RIMS2: variants seen among roughly 807,000 people sequenced by gnomAD.
RIMS2 encodes the protein regulating synaptic membrane exocytosis protein 2.
A neutral mutation model predicts 174.4 loss-of-function variants in RIMS2; 59 were observed. That is an observed-to-expected ratio of 0.34 (90% confidence interval 0.27 to 0.42). The LOEUF (loss-of-function observed/expected upper bound fraction) is 0.42, where lower values mean the gene tolerates loss of function less well. Ranked by LOEUF, RIMS2 falls within the 10% of genes least tolerant of loss-of-function variation. The probability of loss-of-function intolerance (pLI) is 1.00; values close to 1 mark genes in which losing one functional copy is unlikely to be tolerated. For missense variants in RIMS2, 1,620 were observed against 1,666.3 expected, an observed-to-expected ratio of 0.97 and a Z score of 0.48; for synonymous variants, 606 against 572.5, an observed-to-expected ratio of 1.06 and a Z score of -0.84.
chr8:103,574,045 G>A (rs928892382), intron 1 of RIMS2, among the ~76,000 whole-genome samples: 2 of 151,070 alleles, frequency 1.3e-5, no homozygotes, highest in African/African-American at 2.4e-5. Flanking sequence ...ACATGTTCCC[G>A]ATTGGCCATT....
intron 3 of RIMS2, among the ~76,000 whole-genome samples, chr8:103,797,357 G>A (rs1307814479): frequency 1.3e-5 from 2 of 152,108 alleles, no homozygotes; most frequent in African/African-American, 4.8e-5. Context: ...AACAACTTGA[G>A]AGCATACTTA....
chr8:104,016,402 A>T (rs2095907035), intron 19 of RIMS2, among the ~76,000 whole-genome samples: 1 of 152,160 alleles, frequency 6.6e-6, no homozygotes, highest in Middle Eastern at 3.4e-3. Flanking sequence ...ACCCTTATAT[A>T]ACTTGTTGAT....
intron 17 of RIMS2, among the ~76,000 whole-genome samples, chr8:104,008,502 T>C (rs1431594107): frequency 1.3e-5 from 2 of 151,644 alleles, no homozygotes; most frequent in Non-Finnish European, 2.9e-5. Flanking sequence ...TGTGTGTGTG[T>C]GTGTGTGTTT....
At chr8:103,953,880 T>A (rs1223927388) in intron 14 of RIMS2, among the ~76,000 whole-genome samples, 1 of 151,912 alleles carries the variant, frequency 6.6e-6, no homozygotes, top group African/African-American at 2.4e-5. Context: ...GAGACACATA[T>A]AGGCTCAAAA....
intron 10 of RIMS2, among the ~76,000 whole-genome samples, chr8:103,923,960 T>G (rs1427392656): frequency 2.0e-5 from 3 of 151,760 alleles, no homozygotes; most frequent in Non-Finnish European, 4.4e-5. Flanking sequence ...TTCCTGTCCT[T>G]AAAAATTCCT....
intron 2 of RIMS2, among the ~76,000 whole-genome samples, chr8:103,753,258 A>C (rs975202377): frequency 5.3e-5 from 8 of 152,086 alleles, no homozygotes; most frequent in African/African-American, 1.9e-4. Flanking sequence ...CGTATATTGA[A>C]CCAGCCTCGC....
At chr8:103,829,775 G>A (rs1193273436) in intron 3 of RIMS2, among the ~76,000 whole-genome samples, 5 of 152,226 alleles carry the variant, frequency 3.3e-5, no homozygotes, top group African/African-American at 1.2e-4. Flanking sequence ...TTACATGGGT[G>A]ATGAAATAGT....
chr8:103,543,276 C>T (rs1173742576), intron 1 of RIMS2, among the ~76,000 whole-genome samples: 2 of 151,750 alleles, frequency 1.3e-5, no homozygotes, highest in African/African-American at 4.8e-5. Flanking sequence ...ACAATAGCTA[C>T]AAAAAATATC....
At chr8:103,578,710 A>G (rs1420532060) in intron 1 of RIMS2, among the ~76,000 whole-genome samples, 1 of 151,836 alleles carries the variant, frequency 6.6e-6, no homozygotes, top group Non-Finnish European at 1.5e-5. Context: ...TAAGAATACC[A>G]TGGCTGAGCA....
At chr8:104,201,436 A>G (rs2137027977) in intron 19 of RIMS2, among the ~76,000 whole-genome samples, 1 of 152,334 alleles carries the variant, frequency 6.6e-6, no homozygotes, top group South Asian at 2.1e-4. Context: ...CATTAATGAT[A>G]TCTAAGAGAA....
At chr8:103,931,479 T>C in intron 12 of RIMS2, 86 bp downstream of exon 14, 4 of 924,910 alleles carry the variant, frequency 4.3e-6, no homozygotes, top group Non-Finnish European at 6.4e-6. Flanking sequence ...GTATCATTTA[T>C]TGGTATCATA....
intron 19 of RIMS2, among the ~76,000 whole-genome samples, chr8:104,187,030 T>C (rs557331157): frequency 1.3e-5 from 2 of 151,830 alleles, no homozygotes; most frequent in African/African-American, 4.8e-5. Context: ...AAAATAGTAC[T>C]GACAGACTGA....
intron 12 of RIMS2, among the ~76,000 whole-genome samples, chr8:103,935,228 C>T (rs2080977105): frequency 6.6e-6 from 1 of 152,218 alleles, no homozygotes. Context: ...ATTATCACTT[C>T]TTTCCATGTA....
intron 1 of RIMS2, among the ~76,000 whole-genome samples, chr8:103,545,539 C>T (rs1844632229): frequency 6.6e-6 from 1 of 152,158 alleles, no homozygotes; most frequent in Non-Finnish European, 1.5e-5. Context: ...CTGTGAGATA[C>T]TATACAAGAT....
At chr8:103,891,320 T>C (rs930261323) in intron 4 of RIMS2, among the ~76,000 whole-genome samples, 1 of 152,234 alleles carries the variant, frequency 6.6e-6, no homozygotes, top group Admixed American at 6.6e-5. Context: ...TACTCACTTA[T>C]ATTAGAAGTT....
intron 3 of RIMS2, among the ~76,000 whole-genome samples, chr8:103,869,268 T>C (rs2099098777): frequency 1.3e-5 from 2 of 151,620 alleles, no homozygotes; most frequent in African/African-American, 4.9e-5. Flanking sequence ...TGATCTCTGC[T>C]CACTGCAACC....
At chr8:103,774,362 A>C (rs2098288360) in intron 3 of RIMS2, among the ~76,000 whole-genome samples, 1 of 152,212 alleles carries the variant, frequency 6.6e-6, no homozygotes, top group African/African-American at 2.4e-5. Context: ...ATATCTATAA[A>C]ATACTTGTAT....
exon 24 of RIMS2, chr8:104,251,853 G>C (rs768194605): frequency 4.8e-6 from 5 of 1,034,044 alleles, no homozygotes; most frequent in South Asian, 3.1e-5. Flanking sequence ...ACAGCAACCA[G>C]CGTTACAAAA....
intron 19 of RIMS2, among the ~76,000 whole-genome samples, chr8:104,242,806 A>G (rs1225606371): frequency 1.3e-5 from 2 of 152,230 alleles, no homozygotes; most frequent in African/African-American, 4.8e-5. Flanking sequence ...GGAGGTGCAT[A>G]TGATTGTCCC....
Sources: gnomAD v4.1 joint callset for allele counts (sites outside exome capture counted in the v4.1 genomes callset) on GRCh38, gnomAD v4.1.1 for gene constraint, MANE v1.5 for transcripts, NCBI Gene and HGNC (gene_info 2026-07-23, HGNC 2026-07-21) for gene names.